The following GATB variants were observed in gnomAD, a reference collection of about 807,000 sequenced individuals.
The protein encoded by GATB is glutamyl-tRNA(Gln) amidotransferase subunit B, mitochondrial.
In GATB, 39 loss-of-function variants were observed where a neutral mutation model predicts 62.3. The ratio of observed to expected loss-of-function variants is 0.63; its 90% confidence interval spans 0.48 to 0.82. The LOEUF is 0.82. Ranked by LOEUF, GATB falls within the 40% of genes least tolerant of loss-of-function variation. The probability of loss-of-function intolerance (pLI) is 0.00; values close to 1 mark genes in which losing one functional copy is unlikely to be tolerated. For synonymous variants in GATB, 276 were observed against 258.9 expected, an observed-to-expected ratio of 1.07 and a Z score of -0.63; for missense variants, 670 against 684.0, an observed-to-expected ratio of 0.98 and a Z score of 0.23.
intron 2 of GATB, among the ~76,000 whole-genome samples, chr4:151,741,117 G>A (rs1187840036): frequency 6.6e-6 from 1 of 152,080 alleles, no homozygotes; most frequent in Non-Finnish European, 1.5e-5. Context: ...TACCAAGTCC[G>A]ATATAGACTA....
rs1490559016 is a variant in GATB at position 151,732,602 on chromosome 4, C to T, written c.328-13064G>A. 2.0e-5 allele frequency among the ~76,000 whole-genome samples: 3 copies of T among 151,990 alleles called. No individual in the cohort carries two copies. In the East Asian group the frequency reaches 5.8e-4, roughly 30 times the overall value. On this transcript the variant is annotated intron_variant, in intron 2 of 12. Coordinates refer to ENST00000263985, the MANE Select transcript of GATB (RefSeq NM_004564.3). ...CTGCGGAAGGCTGCAGGGTCCTCTG[C>T]CTAGGAAAACCAGAGACCTTTGCTC...
In GATB at chr4:151,748,407, C is replaced by T. The variant is rs796656070; in HGVS notation, c.327+10365G>A. Reference sequence around the variant, plus strand: ...GACAAAACTGACAAAAACAAGAAATCGGGAAAGGATTCCCTATTTAACAAA... The same window carrying T: ...GACAAAACTGACAAAAACAAGAAATTGGGAAAGGATTCCCTATTTAACAAA... On this transcript the variant is annotated intron_variant, in intron 2 of 12. Transcript: ENST00000263985. 2.6e-5 allele frequency among the ~76,000 whole-genome samples: 4 copies of T among 152,130 alleles called. No homozygotes were observed. In the South Asian group the frequency reaches 8.3e-4, roughly 31 times the overall value.
rs7376710 is a variant in GATB at position 151,688,777 on chromosome 4, A to G, written c.1198-14T>C. 3,498 of 1,570,936 alleles carry G rather than the reference A, an allele frequency of 2.2e-3. 40 individuals carry two copies. Among genetic ancestry groups the G allele is most frequent in the Middle Eastern group, 0.012 (70 of 5,814 alleles). On this transcript the variant is annotated splice_polypyrimidine_tract_variant and intron_variant, in intron 9 of 12. Coordinates refer to ENST00000263985, the MANE Select transcript of GATB (RefSeq NM_004564.3). ...GCCGACTTCGTTCTGTTAAAAAAAA[A>G]AAAAGAAAATTACATAAAGCCTCCC...
intron 2 of GATB, among the ~76,000 whole-genome samples, chr4:151,757,386 C>T (rs1739853332): frequency 6.6e-6 from 1 of 152,114 alleles, no homozygotes; most frequent in Non-Finnish European, 1.5e-5. Flanking sequence ...GAGGCACTGC[C>T]CAGAATCTTC....
Position 151,671,082 on chromosome 4 carries a change from A to G in GATB, c.*92T>C. ...GGACAGGGATTGAGAGGCAGCTCTC[A>G]GGGCACATGGGCATCAGCTTTCACA... On this transcript the variant is annotated 3_prime_UTR_variant, in exon 13 of 13. Coordinates refer to ENST00000263985, the MANE Select transcript of GATB (RefSeq NM_004564.3). The G allele has an allele frequency of 7.1e-7, 1 of 1,418,352 alleles. No homozygotes were observed. The highest frequency in any genetic ancestry group is 9.8e-7 in the Non-Finnish European group (1 of 1,016,732). The allele number at this position is 1,418,352 out of a possible 1,614,324, so 87.9% of individuals were successfully genotyped here. A position where few individuals can be genotyped will look rare whatever the true frequency, so the allele number is the denominator to read the frequency against.
rs184238867 is a variant in GATB, at chr4:151,699,065, C to T, written c.1197+2264G>A. On this transcript the variant is annotated intron_variant, in intron 9 of 12. Coordinates refer to ENST00000263985, the MANE Select transcript of GATB (RefSeq NM_004564.3). ...TTAAAAAAATCTTTTGTTTCTGTCT[C>T]AGTACGTGCTATACAGAAGATGCTA... 3.3e-5 allele frequency among the ~76,000 whole-genome samples: 5 copies of T among 152,164 alleles called. No homozygotes were observed. The East Asian group carries it at 9.7e-4, about 29-fold the overall frequency.
chr4:151,701,493 G>T lies in GATB; in HGVS notation c.1033C>A (p.Pro345Thr). 6.4e-7 allele frequency: 1 copy of T among 1,574,486 alleles called. No individual in the cohort carries two copies. Among genetic ancestry groups the T allele is most frequent in the Non-Finnish European group, 8.6e-7 (1 of 1,158,300 alleles). ...YRFMPEPNLP[P>T]LVLYDATSLP... ...GATGTGGCGTCGTAGAGCACCAGGG[G>T]AGGCAGGTTGGGTTCTGGCATGAAC... Residue 345 changes from proline to threonine, a missense_variant, in exon 9 of 13, where the codon CCC (proline) becomes ACC (threonine). By Grantham distance (38) the Pro-to-Thr change is conservative. Coordinates refer to ENST00000263985, the MANE Select transcript of GATB (RefSeq NM_004564.3).
chr4:151,692,542 G>T (rs971037848), intron 9 of GATB, among the ~76,000 whole-genome samples: 1 of 152,176 alleles, frequency 6.6e-6, no homozygotes, highest in African/African-American at 2.4e-5. Flanking sequence ...CCTAGGCCAC[G>T]TGGCATTCAG....
chr4:151,672,789 G>T lies in GATB; in HGVS notation c.1518C>A (p.His506Gln), dbSNP rs1355487783. Residue 506 changes from histidine to glutamine, a missense_variant, in exon 12 of 13, where the codon CAC (histidine) becomes CAA (glutamine). Coordinates refer to ENST00000263985, the MANE Select transcript of GATB (RefSeq NM_004564.3). The part of the protein sequence containing the change: ...QDQGALEQLC[H>Q]SVMEAHPQVV... ...CTTGAGGATGGGCCTCCATCACAGA[G>T]TGGCAGAGCTGCTCCAGTGCCCCCT... 1 of 1,614,202 alleles carries T rather than the reference G, an allele frequency of 6.2e-7. No individual in the cohort carries two copies. The highest frequency in any genetic ancestry group is 1.7e-5 in the Admixed American group (1 of 60,026).
At chr4:151,704,655 A>G (rs1216514958) in intron 7 of GATB, among the ~76,000 whole-genome samples, 1 of 151,316 alleles carries the variant, frequency 6.6e-6, no homozygotes, top group African/African-American at 2.4e-5. Flanking sequence ...GGGTTTCACC[A>G]TGTTAGCCAG....
At chr4:151,674,943 A>C (rs1737964582) in intron 11 of GATB, 1 of 152,234 alleles carries the variant, frequency 6.6e-6, no homozygotes, top group Non-Finnish European at 1.5e-5. Context: ...GTCTGCAGAC[A>C]CAGACCAGGG....
chr4:151,713,663 G>C (rs947751756), intron 5 of GATB, among the ~76,000 whole-genome samples: 1 of 152,174 alleles, frequency 6.6e-6, no homozygotes, highest in Non-Finnish European at 1.5e-5. Flanking sequence ...GCTAGAAGTT[G>C]CAGGACAGGA....
At chr4:151,707,870 C>T (rs563487096) in intron 6 of GATB, 118 bp downstream of exon 6, 31 of 675,334 alleles carry the variant, frequency 4.6e-5, no homozygotes, top group Middle Eastern at 2.5e-4. Context: ...ACCAACAGAA[C>T]GGACCAGTGA....
rs1354284529 is a variant in GATB, at chr4:151,708,096, G to C, written c.769C>G (p.Gln257Glu). 6.2e-7 allele frequency: 1 copy of C among 1,609,158 alleles called. No individual in the cohort carries two copies. The highest frequency in any genetic ancestry group is 2.2e-5 in the East Asian group (1 of 44,848). Residue 257 changes from glutamine to glutamate, a missense_variant, in exon 6 of 13, where the codon CAG becomes GAG. Physicochemically the swap from Gln to Glu is conservative, Grantham distance 29. Coordinates refer to ENST00000263985, the MANE Select transcript of GATB (RefSeq NM_004564.3). ...GTSQANMAEGQLRVDANISVH... is the reference protein window; with the variant it reads ...GTSQANMAEGELRVDANISVH... ...GATATATTGGCATCCACTCTCAACT[G>C]GCCCTCTGGAAGGAGAGAAGAAAAC...
chr4:151,720,266 G>A (rs1281250598), intron 2 of GATB: 1 of 152,178 alleles, frequency 6.6e-6, no homozygotes, highest in Non-Finnish European at 1.5e-5. Context: ...TAAGAACACT[G>A]GGGGTCTGGA....
intron 8 of GATB, among the ~76,000 whole-genome samples, chr4:151,702,058 G>A (rs1016820896): frequency 6.6e-6 from 1 of 152,162 alleles, no homozygotes; most frequent in Non-Finnish European, 1.5e-5. Flanking sequence ...GAAAGGGACG[G>A]TAAAAATGCC....
At chr4:151,690,040 A>T (rs984819948) in intron 9 of GATB, among the ~76,000 whole-genome samples, 2 of 152,222 alleles carry the variant, frequency 1.3e-5, no homozygotes, top group Admixed American at 1.3e-4. Context: ...TTTTCTTGAA[A>T]TATTCCTTTT....
Position 151,701,417 on chromosome 4 carries a change from C to G in GATB, c.1109G>C (p.Arg370Pro). 1 of 1,605,304 alleles carries G rather than the reference C, an allele frequency of 6.2e-7. No homozygotes were observed. The highest frequency in any genetic ancestry group is 8.5e-7 in the Non-Finnish European group (1 of 1,175,744). ...ACTGGGGAGCTCCGGGAGTGTCTCC[C>G]GAATCTGGTCAATATTGATCACTTG... ...PQQVINIDQI[R>P]ETLPELPSVT... The change falls in exon 9 of 13, where the codon CGG (arginine) becomes CCG (proline). Residue 370 changes from arginine (R) to proline (P), a missense_variant. Transcript: ENST00000263985.
intron 9 of GATB, among the ~76,000 whole-genome samples, chr4:151,698,825 C>T (rs975224662): frequency 2.0e-5 from 3 of 152,090 alleles, no homozygotes; most frequent in South Asian, 4.2e-4. Context: ...AAAATAAGGA[C>T]GTTTTTAAGG....
Sources: allele counts gnomAD v4.1 joint callset (sites outside exome capture counted in the v4.1 genomes callset), GRCh38; gene constraint gnomAD v4.1.1; transcripts MANE v1.5; gene names NCBI Gene and HGNC (gene_info 2026-07-23, HGNC 2026-07-21).